Variants in UBE2L6 observed in about 807,000 individuals in gnomAD.
The protein encoded by UBE2L6 is ubiquitin/ISG15-conjugating enzyme E2 L6.
UBE2L6 carries 11 observed loss-of-function variants against 13.6 expected under a neutral mutation model. The ratio of observed to expected loss-of-function variants is 0.81; its 90% CI spans 0.51 to 1.34. The LOEUF (loss-of-function observed/expected upper bound fraction) is 1.34. Among genes scored for constraint, UBE2L6 ranks in the 40% most tolerant of loss-of-function variants. The pLI is 0.00. For synonymous variants in UBE2L6, 74 were observed against 83.2 expected (o/e 0.89, Z 0.60); for missense variants, 197 against 199.5 (o/e 0.99, Z 0.07).
intron 1 of UBE2L6, 182 bp downstream of exon 1, chr11:57,567,403 C>G: frequency 1.1e-6 from 1 of 888,406 alleles, no homozygotes; most frequent in Non-Finnish European, 1.8e-6. Context: ...AACCCCAGCT[C>G]TGGCCACTCT....
At chr11:57,560,622 TC>T in intron 1 of UBE2L6, 190 bp from the exon 2 acceptor site, 1 of 499,204 alleles carries the variant, frequency 2.0e-6, no homozygotes, top group South Asian at 2.5e-5. Flanking sequence ...TTTTCTTTTT[TC>T]TTTTTTTTTT....
chr11:57,566,952 C>A lies in UBE2L6; in HGVS notation c.27+633G>T, dbSNP rs1013993490. The A allele has an allele frequency of 2.4e-5, 4 of 168,336 alleles. 1 individual carries two copies. The highest frequency in any genetic ancestry group is 3.7e-5 in the Non-Finnish European group (3 of 80,538). The allele number at this position is 168,336 out of a possible 1,614,324, so 10.4% of individuals were successfully genotyped here. ...ATTTGTGTTCATCTCTGCCCGCCCCCCCCCCCCTCCTAGAACAGGGCCAGC... is the reference window on the plus strand; with the variant it reads ...ATTTGTGTTCATCTCTGCCCGCCCCACCCCCCCTCCTAGAACAGGGCCAGC... On this transcript the variant is annotated intron_variant, in intron 1 of 3. Transcript: ENST00000287156.
intron 2 of UBE2L6, among the ~76,000 whole-genome samples, chr11:57,556,181 T>C (rs552708656): frequency 5.3e-5 from 8 of 152,162 alleles, no homozygotes; most frequent in African/African-American, 1.9e-4. Context: ...ACTCTGACAC[T>C]CACTAGCCAT....
chr11:57,565,364 T>TTG lies in UBE2L6; in HGVS notation c.27+2220_27+2221insCA, dbSNP rs1406673765. On this transcript the variant is annotated intron_variant, in intron 1 of 3. Transcript: ENST00000287156. ...TACAGTTTGTATTAGTTGTTTTTTTTTTTTTTTTTTTTTTTTTTGAGACAA... is the reference window on the plus strand; with the variant it reads ...TACAGTTTGTATTAGTTGTTTTTTTTTGTTTTTTTTTTTTTTTTTTGAGACAA... Among the ~76,000 whole-genome samples the TTG allele has an allele frequency of 2.0e-3, 184 of 92,678 alleles. 3 individuals are homozygous for TTG. The highest frequency in any genetic ancestry group is 3.3e-3 in the African/African-American group (80 of 24,496). 60.8% of individuals were successfully genotyped at this position (92,678 alleles called of 152,430 possible). A position where few individuals can be genotyped will look rare whatever the true frequency, so the allele number is the denominator to read the frequency against.
At chr11:57,567,517 A>C in intron 1 of UBE2L6, 68 bp downstream of exon 1, 1 of 1,579,768 alleles carries the variant, frequency 6.3e-7, no homozygotes, top group Non-Finnish European at 8.6e-7. Context: ...CGCGGAGGGG[A>C]TGGAGGGAGG....
chr11:57,567,257 A>G (rs1945100005), intron 1 of UBE2L6: 1 of 493,752 alleles, frequency 2.0e-6, no homozygotes, highest in Non-Finnish European at 3.8e-6. Flanking sequence ...GATGCCAAGG[A>G]CTTTTCCTGC....
chr11:57,559,442 C>A (rs2135277821), intron 2 of UBE2L6, among the ~76,000 whole-genome samples: 1 of 152,248 alleles, frequency 6.6e-6, no homozygotes, highest in African/African-American at 2.4e-5. Flanking sequence ...AAAATCCTGT[C>A]TCCACTAAAA....
At chr11:57,562,312 A>G (rs892888308) in intron 1 of UBE2L6, among the ~76,000 whole-genome samples, 1 of 152,242 alleles carries the variant, frequency 6.6e-6, no homozygotes, top group African/African-American at 2.4e-5. Context: ...GCAGTAGCAC[A>G]GAGCACTAGA....
chr11:57,561,102 T>C (rs1945042801), intron 1 of UBE2L6, among the ~76,000 whole-genome samples: 2 of 152,186 alleles, frequency 1.3e-5, no homozygotes, highest in Non-Finnish European at 2.9e-5. Context: ...GCCTTCTTCC[T>C]AGAAAGTCAC....
chr11:57,552,050 T>C lies in UBE2L6; in HGVS notation c.*308A>G, dbSNP rs990648595. On this transcript the variant is annotated 3_prime_UTR_variant, in exon 4 of 4. Transcript: ENST00000287156. ...CTGCAAGCAGGCCTGCAAGGTGACC[T>C]GTCTCTCTAAGATGGAGAGCTGGAG... The C allele has an allele frequency of 4.3e-5, 13 of 303,292 alleles. No homozygotes were observed. Among genetic ancestry groups the C allele is most frequent in the Non-Finnish European group, 6.2e-5 (10 of 161,908 alleles). 18.8% of individuals were successfully genotyped at this position (303,292 alleles called of 1,614,324 possible). A position where few individuals can be genotyped will look rare whatever the true frequency, so the allele number is the denominator to read the frequency against.
chr11:57,563,925 A>C (rs1945066693), intron 1 of UBE2L6, among the ~76,000 whole-genome samples: 1 of 152,168 alleles, frequency 6.6e-6, no homozygotes, highest in Non-Finnish European at 1.5e-5. Context: ...AAGAATAAAC[A>C]AAGAATGAAG....
At chr11:57,560,502 G>A (rs1945032532) in intron 1 of UBE2L6, 70 bp from the exon 2 acceptor site, 1 of 1,201,180 alleles carries the variant, frequency 8.3e-7, no homozygotes, top group South Asian at 1.2e-5. Flanking sequence ...CCCTGCCCCA[G>A]CAGCAAGCTG....
intron 1 of UBE2L6, chr11:57,567,064 C>G (rs1945098697): frequency 4.4e-6 from 2 of 455,264 alleles, no homozygotes; most frequent in Admixed American, 4.7e-5. Context: ...GCATCTTTTC[C>G]TCCAGAGAAT....
intron 2 of UBE2L6, 51 bp downstream of exon 2, chr11:57,560,286 C>T (rs1945028544): frequency 6.7e-7 from 1 of 1,483,536 alleles, no homozygotes; most frequent in Non-Finnish European, 9.4e-7. Context: ...TGCCCATGTC[C>T]CTGGCCTAAT....
Position 57,554,499 on chromosome 11 carries a change from C to G in UBE2L6, c.248G>C (p.Gly83Ala). ...GCTGATGATGGGCAGGCAAATCTGTCCGTTCTCGTCCACGTTGGGGTGGTA... is the reference window on the plus strand; with the variant it reads ...GCTGATGATGGGCAGGCAAATCTGTGCGTTCTCGTCCACGTTGGGGTGGTA... Reference protein sequence around the residue: ...KIYHPNVDENGQICLPIISSE... With the variant: ...KIYHPNVDENAQICLPIISSE... Residue 83 changes from glycine (G) to alanine (A), a missense_variant, in exon 3 of 4, where the codon GGA becomes GCA. Gly to Ala is a moderately conservative substitution (Grantham distance 60, BLOSUM62 0). Coordinates refer to ENST00000287156, the MANE Select transcript of UBE2L6 (RefSeq NM_004223.5). The G allele has an allele frequency of 6.2e-7, 1 of 1,614,182 alleles. No homozygotes were observed.
chr11:57,566,874 A>C, intron 1 of UBE2L6: 1 of 408,356 alleles, frequency 2.4e-6, no homozygotes, highest in South Asian at 1.7e-5. Context: ...CCATCCTTCC[A>C]GATCTTATTT....
Position 57,567,665 on chromosome 11 carries a change from C to T in UBE2L6, c.-54G>A. 1.3e-6 allele frequency: 2 copies of T among 1,560,316 alleles called. No individual in the cohort carries two copies. The highest frequency in any genetic ancestry group is 1.9e-5 in the Admixed American group (1 of 52,708). On this transcript the variant is annotated 5_prime_UTR_variant, in exon 1 of 4. Coordinates refer to ENST00000287156, the MANE Select transcript of UBE2L6 (RefSeq NM_004223.5). Reference sequence around the variant, plus strand: ...CCTCCAGCAGGACCGAGCTCCGACCCGCGACACAGCGCGCCCCGCCCCGCC... The same window carrying T: ...CCTCCAGCAGGACCGAGCTCCGACCTGCGACACAGCGCGCCCCGCCCCGCC...
In UBE2L6 at chr11:57,554,561, C is replaced by CGGAT; in HGVS notation, c.182_185dup (p.Phe63SerfsTer32). On this transcript the variant is annotated frameshift_variant, in exon 3 of 4. Coordinates refer to ENST00000287156, the MANE Select transcript of UBE2L6 (RefSeq NM_004223.5). LOFTEE classifies it high-confidence loss of function. ...TGAATTTGATCATGGGAGGCTTGAA[C>CGGAT]GGATACTCCGGCGGGAAGCTGATGC... The CGGAT allele has an allele frequency of 1.2e-6, 2 of 1,614,070 alleles. No individual in the cohort carries two copies. Among genetic ancestry groups the CGGAT allele is most frequent in the East Asian group, 4.5e-5 (2 of 44,870 alleles).
chr11:57,554,623 C>A lies in UBE2L6; in HGVS notation c.124G>T (p.Asp42Tyr). The part of the protein sequence containing the change: ...VLVWHALLLP[D>Y]QPPYHLKAFN... ...GCTTTCAGGTGGTAGGGAGGTTGGT[C>A]CTGTGCAGAGAGAAAAGGGGTCAAG... is the stretch of plus-strand genomic sequence containing the variant. The change falls in exon 3 of 4, where the codon GAC becomes TAC. Residue 42 changes from aspartate to tyrosine, a missense_variant and splice_region_variant. Coordinates refer to ENST00000287156, the MANE Select transcript of UBE2L6 (RefSeq NM_004223.5). 1 of 1,613,978 alleles carries A rather than the reference C, an allele frequency of 6.2e-7. No individual in the cohort carries two copies. The highest frequency in any genetic ancestry group is 8.5e-7 in the Non-Finnish European group (1 of 1,179,976).
Sources: gnomAD v4.1 joint callset for allele counts (sites outside exome capture counted in the v4.1 genomes callset) on GRCh38, gnomAD v4.1.1 for gene constraint, MANE v1.5 for transcripts, NCBI Gene and HGNC (gene_info 2026-07-23, HGNC 2026-07-21) for gene names.